Variants in RIMBP2 observed in about 807,000 individuals in gnomAD.
RIMBP2 encodes RIMS-binding protein 2.
Under a neutral mutation model 118.6 loss-of-function variants are expected in RIMBP2, and 48 were observed. That is an observed-to-expected ratio of 0.40 (90% CI 0.32 to 0.51). The LOEUF is 0.51. Ranked by LOEUF, RIMBP2 falls within the 20% of genes least tolerant of loss-of-function variation. RIMBP2 has a pLI of 0.41. For synonymous variants in RIMBP2, 762 were observed against 742.9 expected, an observed-to-expected ratio of 1.03 and a Z score of -0.42; for missense variants, 1,551 against 1,768.3, an observed-to-expected ratio of 0.88 and a Z score of 2.20.
intron 1 of RIMBP2, among the ~76,000 whole-genome samples, chr12:130,652,769 G>A (rs1418144768): frequency 6.6e-6 from 1 of 152,170 alleles, no homozygotes; most frequent in African/African-American, 2.4e-5. Flanking sequence ...CCTGCTTCTG[G>A]TGAGACCTCA....
chr12:130,568,609 A>T (rs139211062), intron 2 of RIMBP2, among the ~76,000 whole-genome samples: 1 of 152,222 alleles, frequency 6.6e-6, no homozygotes, highest in African/African-American at 2.4e-5. Flanking sequence ...AGTGGCAATG[A>T]AAGTCTCTGC....
At chr12:130,532,114 G>C (rs1433389105) in intron 2 of RIMBP2, among the ~76,000 whole-genome samples, 3 of 149,952 alleles carry the variant, frequency 2.0e-5, no homozygotes, top group African/African-American at 7.4e-5. Context: ...CGTCTAATGA[G>C]ATGCGTGTGT....
chr12:130,680,771 GGGCAGCCCGGCCCCGT>G (rs1400117299), intron 1 of RIMBP2, among the ~76,000 whole-genome samples: 3 of 152,250 alleles, frequency 2.0e-5, no homozygotes, highest in African/African-American at 7.2e-5. Context: ...CCCATGACAA[GGGCAGCCCGGCCCCGT>G]GGCAGCGCGA....
chr12:130,493,871 C>A (rs1196084147), intron 4 of RIMBP2, among the ~76,000 whole-genome samples: 1 of 152,148 alleles, frequency 6.6e-6, no homozygotes, highest in Non-Finnish European at 1.5e-5. Context: ...CTGGTCTAGC[C>A]TGTTACATTT....
At chr12:130,615,639 A>AC (rs1348685641) in intron 2 of RIMBP2, among the ~76,000 whole-genome samples, 10 of 150,696 alleles carry the variant, frequency 6.6e-5, no homozygotes, top group African/African-American at 1.5e-4. Flanking sequence ...AAACCAACAA[A>AC]CCCCCCAAGG....
chr12:130,558,203 T>A (rs555616238), intron 2 of RIMBP2, among the ~76,000 whole-genome samples: 2 of 152,278 alleles, frequency 1.3e-5, no homozygotes, highest in East Asian at 3.9e-4. Flanking sequence ...CTTGCCGGTT[T>A]TTTTAGCTGA....
chr12:130,478,844 A>T, intron 5 of RIMBP2, 68 bp downstream of exon 5: 2 of 1,205,254 alleles, frequency 1.7e-6, no homozygotes, highest in Non-Finnish European at 2.4e-6. Flanking sequence ...GCTCCACCAC[A>T]CCAGGGATCC....
At chr12:130,512,291 C>G (rs963296101) in intron 3 of RIMBP2, among the ~76,000 whole-genome samples, 1 of 151,906 alleles carries the variant, frequency 6.6e-6, no homozygotes. Context: ...CTGGGATCCC[C>G]GCTGCATCAA....
At chr12:130,634,395 A>G (rs2062211618) in intron 1 of RIMBP2, among the ~76,000 whole-genome samples, 1 of 152,144 alleles carries the variant, frequency 6.6e-6, no homozygotes, top group Admixed American at 6.5e-5. Context: ...AATGTTTTCT[A>G]TGCCCTATCT....
At chr12:130,618,207 C>A (rs1447152645) in intron 2 of RIMBP2, among the ~76,000 whole-genome samples, 1 of 152,102 alleles carries the variant, frequency 6.6e-6, no homozygotes, top group Non-Finnish European at 1.5e-5. Context: ...TCTAAATAAT[C>A]ATTCATACTG....
chr12:130,674,932 T>C (rs1438365062), intron 1 of RIMBP2, among the ~76,000 whole-genome samples: 2 of 152,172 alleles, frequency 1.3e-5, no homozygotes, highest in Non-Finnish European at 2.9e-5. Context: ...GTGGCGTGTG[T>C]CAGGCTTCAT....
chr12:130,552,143 A>C (rs2055859023), intron 2 of RIMBP2, among the ~76,000 whole-genome samples: 1 of 152,222 alleles, frequency 6.6e-6, no homozygotes, highest in South Asian at 2.1e-4. Context: ...TCAATAAGAG[A>C]GCTTCTAATA....
At position 130,446,024 on chromosome 12, in the gene RIMBP2, C is replaced by CG. The variant is rs1555253096; in HGVS notation, c.582-756_582-755insC. ...ACAGACGCATGATTTTATGCTCCCC[C>CG]CCCCCACACCCCCAGGAATATAAGA... On this transcript the variant is annotated intron_variant, in intron 9 of 22. Coordinates refer to ENST00000690449, the MANE Select transcript of RIMBP2 (RefSeq NM_001393629.1). The surrounding 1 kb of genome is among the most constrained non-coding windows in gnomAD (Gnocchi z 4.1). Among the ~76,000 whole-genome samples, 1 of 76,080 alleles carries CG rather than the reference C, an allele frequency of 1.3e-5. No homozygotes were observed. The allele number at this position is 76,080 out of a possible 152,430, so 49.9% of individuals were successfully genotyped here. A position where few individuals can be genotyped will look rare whatever the true frequency, so the allele number is the denominator to read the frequency against.
At chr12:130,437,502 A>G (rs2077619734) in intron 12 of RIMBP2, among the ~76,000 whole-genome samples, 1 of 152,160 alleles carries the variant, frequency 6.6e-6, no homozygotes, top group African/African-American at 2.4e-5. Flanking sequence ...CCAGGACCCA[A>G]TCAGTGGTAG....
At chr12:130,484,642 G>A (rs1163450073) in intron 4 of RIMBP2, among the ~76,000 whole-genome samples, 1 of 152,204 alleles carries the variant, frequency 6.6e-6, no homozygotes. Flanking sequence ...ATGGCCTCTT[G>A]GAGCTCAGTC....
At chr12:130,712,774 C>T (rs943395392) in intron 1 of RIMBP2, among the ~76,000 whole-genome samples, 12 of 152,172 alleles carry the variant, frequency 7.9e-5, no homozygotes, top group African/African-American at 2.9e-4. Context: ...CCAGGCAGCA[C>T]AGTGGGTTCA....
intron 2 of RIMBP2, among the ~76,000 whole-genome samples, chr12:130,614,343 G>C (rs539871993): frequency 6.6e-6 from 1 of 152,130 alleles, no homozygotes; most frequent in Non-Finnish European, 1.5e-5. Context: ...CTCAGAAGAC[G>C]TTCAGTGAGC....
intron 6 of RIMBP2, among the ~76,000 whole-genome samples, chr12:130,467,624 G>A (rs548723601): frequency 5.7e-4 from 87 of 152,258 alleles, no homozygotes; most frequent in Non-Finnish European, 1.1e-3. Context: ...TTTCTCTATT[G>A]CAACATCCCT....
intron 4 of RIMBP2, among the ~76,000 whole-genome samples, chr12:130,501,212 C>A (rs142394987): frequency 1.2e-4 from 18 of 152,300 alleles, no homozygotes; most frequent in African/African-American, 4.3e-4. Context: ...GCACTTCTCC[C>A]CACCCTGCCT....
Sources: gnomAD v4.1 joint callset for allele counts (sites outside exome capture counted in the v4.1 genomes callset) on GRCh38, gnomAD v4.1.1 for gene constraint, Gnocchi (gnomAD v3.1) non-coding constraint, MANE v1.5 for transcripts, NCBI Gene and HGNC (gene_info 2026-07-23, HGNC 2026-07-21) for gene names.